SRD5A2: variants seen among roughly 807,000 people sequenced by gnomAD.
SRD5A2 encodes the protein 3-oxo-5-alpha-steroid 4-dehydrogenase 2.
SRD5A2 carries 30 observed loss-of-function variants against 27.4 expected under a neutral mutation model. The ratio of observed to expected loss-of-function variants is 1.10; its 90% confidence interval spans 0.82 to 1.49. SRD5A2 has a LOEUF of 1.49. SRD5A2 is among the 40% of genes most tolerant of loss of function. The pLI is 0.00. For missense variants in SRD5A2, 348 were observed against 323.4 expected (o/e 1.08, Z -0.58); for synonymous variants, 141 against 133.6 (o/e 1.06, Z -0.38).
At chr2:31,651,375 TAGA>T in the SRD5A2 span, 2 of 224,082 alleles carry the variant, frequency 8.9e-6, no homozygotes, top group South Asian at 9.3e-5. Flanking sequence ...GTCAGACAAC[TAGA>T]AGAAGAACAA....
chr2:31,643,540 G>T, the SRD5A2 span, among the ~76,000 whole-genome samples: 1 of 152,074 alleles, frequency 6.6e-6, no homozygotes, highest in Non-Finnish European at 1.5e-5. Context: ...TCAGGGCAAT[G>T]TGCATACGTA....
chr2:31,657,185 T>C, the SRD5A2 span, among the ~76,000 whole-genome samples: 1 of 152,212 alleles, frequency 6.6e-6, no homozygotes, highest in Non-Finnish European at 1.5e-5. Context: ...CTGTCAATAT[T>C]GGTTCTTTTT....
chr2:31,559,838 ACACACACACACACACAC>A (rs1666579839), intron 1 of SRD5A2, among the ~76,000 whole-genome samples: 3 of 146,202 alleles, frequency 2.1e-5, no homozygotes, highest in South Asian at 2.2e-4. Context: ...AAACAAACCC[ACACACACACACACACAC>A]ACACACACAC....
intron 1 of SRD5A2, among the ~76,000 whole-genome samples, chr2:31,543,797 G>C (rs984891458): frequency 1.3e-5 from 2 of 152,042 alleles, no homozygotes; most frequent in African/African-American, 4.8e-5. Context: ...GGAGTTATAC[G>C]GTGTAGAGAA....
chr2:31,563,523 C>T (rs773261259), intron 1 of SRD5A2: 2 of 152,034 alleles, frequency 1.3e-5, no homozygotes, highest in African/African-American at 4.8e-5. Flanking sequence ...AACTTCCAGG[C>T]TGAGGTACAG....
chr2:31,543,278 T>C (rs932085220), intron 1 of SRD5A2, among the ~76,000 whole-genome samples: 2 of 152,182 alleles, frequency 1.3e-5, no homozygotes, highest in African/African-American at 2.4e-5. Context: ...GCCCTACATC[T>C]GCCATGCCAA....
the SRD5A2 span, among the ~76,000 whole-genome samples, chr2:31,609,094 T>A: frequency 6.6e-6 from 1 of 152,050 alleles, no homozygotes; most frequent in Non-Finnish European, 1.5e-5. Context: ...TCACCAGACA[T>A]TGAGTCCACT....
chr2:31,625,204 GTTGT>G, the SRD5A2 span, among the ~76,000 whole-genome samples: 1 of 152,088 alleles, frequency 6.6e-6, no homozygotes, highest in Admixed American at 6.6e-5. Context: ...TTTTGATGGG[GTTGT>G]TTGATTTTTT....
intron 1 of SRD5A2, among the ~76,000 whole-genome samples, chr2:31,542,694 A>C (rs1028813972): frequency 2.6e-5 from 4 of 152,300 alleles, no homozygotes; most frequent in Middle Eastern, 3.4e-3. Context: ...AGTAGGCAAA[A>C]GAAAGAATCA....
At chr2:31,610,109 C>A in the SRD5A2 span, among the ~76,000 whole-genome samples, 2 of 152,056 alleles carry the variant, frequency 1.3e-5, no homozygotes, top group African/African-American at 2.4e-5. Context: ...AGAACTAATA[C>A]CAATGTTTCT....
the SRD5A2 span, among the ~76,000 whole-genome samples, chr2:31,639,112 A>T: frequency 3.3e-5 from 5 of 152,128 alleles, no homozygotes; most frequent in South Asian, 2.1e-4. Context: ...AGGCTATTTT[A>T]AAAAATCTTA....
the SRD5A2 span, among the ~76,000 whole-genome samples, chr2:31,607,997 G>T: frequency 2.0e-5 from 3 of 151,666 alleles, no homozygotes; most frequent in East Asian, 1.9e-4. Flanking sequence ...CAGAAAGATA[G>T]GCCCTCACCA....
rs1667066023 is a variant in SRD5A2, at chr2:31,580,799, C to A, written c.102G>T (p.Gly34=). Residue 34 remains glycine (G), a synonymous_variant, in exon 1 of 5, where the codon GGG becomes GGT. Coordinates refer to ENST00000622030, the MANE Select transcript of SRD5A2 (RefSeq NM_000348.4). ...ALYVAKPSGY[G]KHTESLKPAA... is the part of the protein sequence containing the mutation. ...CCGGCTTCAGGCTCTCCGTGTGCTT[C>A]CCGTAGCCGGAGGGCTTCGCGACGT... 6.2e-7 allele frequency: 1 copy of A among 1,612,426 alleles called. No individual in the cohort carries two copies. Among genetic ancestry groups the A allele is most frequent in the East Asian group, 2.2e-5 (1 of 44,852 alleles).
the SRD5A2 span, among the ~76,000 whole-genome samples, chr2:31,653,763 G>C: frequency 6.6e-6 from 1 of 152,102 alleles, no homozygotes; most frequent in African/African-American, 2.4e-5. Flanking sequence ...GGGTTCAAGC[G>C]ATTCTCCTGC....
the SRD5A2 span, among the ~76,000 whole-genome samples, chr2:31,605,423 T>A: frequency 6.7e-6 from 1 of 149,070 alleles, no homozygotes; most frequent in East Asian, 1.9e-4. Context: ...CCAGAATATA[T>A]AAGGAGCTCA....
the SRD5A2 span, among the ~76,000 whole-genome samples, chr2:31,598,705 T>C: frequency 3.3e-5 from 5 of 151,568 alleles, no homozygotes; most frequent in African/African-American, 4.8e-5. Context: ...AACTAAATCA[T>C]ATCACCAGAG....
intron 1 of SRD5A2, among the ~76,000 whole-genome samples, chr2:31,574,260 G>C (rs901268165): frequency 1.3e-5 from 2 of 152,114 alleles, no homozygotes; most frequent in African/African-American, 4.8e-5. Context: ...ACTAGGTATT[G>C]TACTCCTATG....
At chr2:31,568,265 C>T (rs1256605409) in intron 1 of SRD5A2, among the ~76,000 whole-genome samples, 3 of 152,170 alleles carry the variant, frequency 2.0e-5, no homozygotes, top group Non-Finnish European at 4.4e-5. Flanking sequence ...ATGTGACAAG[C>T]AGGGGGGCAT....
chr2:31,531,260 G>C, intron 3 of SRD5A2, 111 bp downstream of exon 3: 1 of 703,052 alleles, frequency 1.4e-6, no homozygotes, highest in Non-Finnish European at 2.4e-6. Context: ...CAAGCTGAGA[G>C]GTATTGTATC....
Sources: allele counts gnomAD v4.1 joint callset (sites outside exome capture counted in the v4.1 genomes callset), GRCh38; gene constraint gnomAD v4.1.1; transcripts MANE v1.5; gene names NCBI Gene and HGNC (gene_info 2026-07-23, HGNC 2026-07-21).